GAS2: variants seen among roughly 807,000 people sequenced by gnomAD.
GAS2 encodes growth arrest specific 2, also known as growth arrest-specific protein 2.
In GAS2, 20 loss-of-function variants were observed where a neutral mutation model predicts 37.5. That is an observed-to-expected ratio of 0.53 (90% CI 0.37 to 0.77). The LOEUF is 0.77. Ranked by LOEUF, GAS2 falls within the 30% of genes least tolerant of loss-of-function variation. The pLI, the probability that GAS2 is intolerant of heterozygous loss-of-function variation, is 0.00. For synonymous variants in GAS2, 144 were observed against 132.2 expected, an observed-to-expected ratio of 1.09 and a Z score of -0.61; for missense variants, 336 against 373.4, an observed-to-expected ratio of 0.90 and a Z score of 0.82.
rs1854243953 is a variant in GAS2 at position 22,759,378 on chromosome 11, A to T, written c.723+3425A>T. Among the ~76,000 whole-genome samples, 3 of 152,208 alleles carry T rather than the reference A, an allele frequency of 2.0e-5. No homozygotes were observed. In the South Asian group the frequency reaches 6.2e-4, roughly 32 times the overall value. On this transcript the variant is annotated intron_variant, in intron 7 of 7. Transcript: ENST00000454584. The stretch of plus-strand genomic sequence containing the variant: ...CATATTTCTCCATTTACAGGTGAGG[A>T]TTAATCCATGCCTAAATGTTAAGAA...
At chr11:22,752,123 T>C (rs1853771901) in intron 6 of GAS2, among the ~76,000 whole-genome samples, 1 of 152,046 alleles carries the variant, frequency 6.6e-6, no homozygotes, top group African/African-American at 2.4e-5. Context: ...CACACCACGG[T>C]TAAATTAGTT....
intron 7 of GAS2, among the ~76,000 whole-genome samples, chr11:22,791,945 T>A (rs1343453410): frequency 6.6e-6 from 1 of 152,238 alleles, no homozygotes; most frequent in African/African-American, 2.4e-5. Context: ...ACATCATTTT[T>A]TAGCTTAAAA....
intron 1 of GAS2, among the ~76,000 whole-genome samples, chr11:22,649,189 C>T (rs915574787): frequency 6.6e-6 from 1 of 151,476 alleles, no homozygotes; most frequent in African/African-American, 2.4e-5. Flanking sequence ...TGGTTTTTGT[C>T]TTTGGCTCTG....
intron 3 of GAS2, among the ~76,000 whole-genome samples, chr11:22,705,927 C>T (rs191789083): frequency 6.6e-6 from 1 of 152,200 alleles, no homozygotes; most frequent in African/African-American, 2.4e-5. Context: ...ATAAGCAAGG[C>T]AGAGAGGGAA....
rs568425842 is a variant in GAS2 at position 22,757,890 on chromosome 11, CTA to C, written c.723+1939_723+1940del. ...ATATGATTCTAAAAAAGGCTCCTGT[CTA>C]TGTGTCTGGTTATCCGTGGAGGCTT... On this transcript the variant is annotated intron_variant, in intron 7 of 7. Coordinates refer to ENST00000454584, the MANE Select transcript of GAS2 (RefSeq NM_001143830.3). Among the ~76,000 whole-genome samples, 9 of 152,208 alleles carry C rather than the reference CTA, an allele frequency of 5.9e-5. 1 individual carries two copies. The South Asian group carries it at 1.9e-3, about 32-fold the overall frequency.
At chr11:22,780,757 C>A (rs1201080463) in intron 7 of GAS2, among the ~76,000 whole-genome samples, 1 of 151,078 alleles carries the variant, frequency 6.6e-6, no homozygotes, top group African/African-American at 2.4e-5. Flanking sequence ...AGGTCTCAGA[C>A]ACATATGGTC....
chr11:22,631,162 G>C (rs1858740052), intron 1 of GAS2, among the ~76,000 whole-genome samples: 1 of 152,026 alleles, frequency 6.6e-6, no homozygotes, highest in Admixed American at 6.6e-5. Flanking sequence ...TTGGTGTAAA[G>C]CAGTGTACAT....
At chr11:22,800,261 T>C (rs1856604443) in intron 7 of GAS2, among the ~76,000 whole-genome samples, 1 of 152,100 alleles carries the variant, frequency 6.6e-6, no homozygotes, top group Admixed American at 6.6e-5. Context: ...TCAGAATTGC[T>C]GTCAAATTTT....
At chr11:22,785,354 C>T (rs370487072) in intron 7 of GAS2, among the ~76,000 whole-genome samples, 26 of 152,216 alleles carry the variant, frequency 1.7e-4, no homozygotes, top group African/African-American at 4.6e-4. Context: ...CCTAGCCTGT[C>T]TGATTCACTC....
chr11:22,645,731 G>A (rs1848683224), intron 1 of GAS2, among the ~76,000 whole-genome samples: 1 of 151,826 alleles, frequency 6.6e-6, no homozygotes, highest in East Asian at 1.9e-4. Flanking sequence ...AGTCAAAATT[G>A]TAAATTTTGA....
chr11:22,632,958 A>T (rs1192327298), intron 1 of GAS2, among the ~76,000 whole-genome samples: 3 of 151,156 alleles, frequency 2.0e-5, no homozygotes, highest in Non-Finnish European at 3.0e-5. Flanking sequence ...TTCATTCATA[A>T]CCTGATTTTC....
intron 3 of GAS2, among the ~76,000 whole-genome samples, chr11:22,693,774 TC>T (rs1222494059): frequency 6.6e-6 from 1 of 152,146 alleles, no homozygotes; most frequent in Non-Finnish European, 1.5e-5. Flanking sequence ...ACAGATCAGG[TC>T]CCTTTGGAGA....
intron 1 of GAS2, among the ~76,000 whole-genome samples, chr11:22,656,283 G>A (rs962120023): frequency 6.6e-6 from 1 of 152,150 alleles, no homozygotes; most frequent in Non-Finnish European, 1.5e-5. Context: ...AGCAACATAT[G>A]TCATTAATGA....
chr11:22,648,023 C>A (rs1004747411), intron 1 of GAS2, among the ~76,000 whole-genome samples: 9 of 152,224 alleles, frequency 5.9e-5, no homozygotes, highest in South Asian at 4.1e-4. Flanking sequence ...AATGGTAATG[C>A]CTAGGTTTTC....
chr11:22,739,314 C>T (rs1852925227), intron 5 of GAS2, among the ~76,000 whole-genome samples: 1 of 152,026 alleles, frequency 6.6e-6, no homozygotes, highest in African/African-American at 2.4e-5. Context: ...GTGGCTCATG[C>T]CTGTAATCCC....
intron 5 of GAS2, among the ~76,000 whole-genome samples, chr11:22,746,969 C>A (rs1352831643): frequency 6.6e-6 from 1 of 152,018 alleles, no homozygotes; most frequent in African/African-American, 2.4e-5. Flanking sequence ...TGGTACTTGT[C>A]AAGAGCAAGG....
At chr11:22,772,296 C>T (rs149379518) in intron 7 of GAS2, among the ~76,000 whole-genome samples, 21 of 152,144 alleles carry the variant, frequency 1.4e-4, no homozygotes, top group African/African-American at 4.8e-4. Context: ...CTTTCACTAT[C>T]CAGGTGTCAC....
rs200884847 is a variant in GAS2 at position 22,685,808 on chromosome 11, A to G, written c.267+19A>G. The G allele has an allele frequency of 8.7e-6, 14 of 1,607,280 alleles. No individual in the cohort carries two copies. Among genetic ancestry groups the G allele is most frequent in the Non-Finnish European group, 1.1e-5 (13 of 1,177,716 alleles). On this transcript the variant is annotated intron_variant, in intron 3 of 7. Coordinates refer to ENST00000454584, the MANE Select transcript of GAS2 (RefSeq NM_001143830.3). ...CACAAAGGTAAAAGATCCCAATGCA[A>G]AAATCACTCTTAGGTGGTAGATTAC...
chr11:22,789,509 T>C (rs1856030845), intron 7 of GAS2, among the ~76,000 whole-genome samples: 1 of 128,536 alleles, frequency 7.8e-6, no homozygotes, highest in African/African-American at 2.9e-5. Context: ...TCGCCCAGGC[T>C]GAAGTGCAGT....
Sources: allele counts gnomAD v4.1 joint callset (sites outside exome capture counted in the v4.1 genomes callset), GRCh38; gene constraint gnomAD v4.1.1; transcripts MANE v1.5; gene names NCBI Gene and HGNC (gene_info 2026-07-23, HGNC 2026-07-21).